Variants in ANKRD30BL observed in about 807,000 individuals in gnomAD.
The protein encoded by ANKRD30BL is ankyrin repeat domain 30B like.
A neutral mutation model predicts 18.4 loss-of-function variants in ANKRD30BL; 20 were observed. The observed-to-expected ratio is 1.09, with a 90% CI of 0.77 to 1.58. The LOEUF is 1.58. Among genes scored for constraint, ANKRD30BL ranks in the 40% most tolerant of loss-of-function variants. The pLI, the probability that ANKRD30BL is intolerant of heterozygous loss-of-function variation, is 0.00. For missense variants in ANKRD30BL, 224 were observed against 268.6 expected, an observed-to-expected ratio of 0.83 and a Z score of 1.16; for synonymous variants, 72 against 100.9, an observed-to-expected ratio of 0.71 and a Z score of 1.72.
At chr2:132,252,907 A>C (rs113386070) in intron 1 of ANKRD30BL, among the ~76,000 whole-genome samples, 15 of 151,502 alleles carry the variant, frequency 9.9e-5, no homozygotes, top group African/African-American at 3.6e-4. Flanking sequence ...TTCCCTTTCT[A>C]TTTTCATGGG....
chr2:132,213,627 C>T (rs1236330931), intron 1 of ANKRD30BL, among the ~76,000 whole-genome samples: 10 of 151,484 alleles, frequency 6.6e-5, no homozygotes, highest in African/African-American at 9.7e-5. Flanking sequence ...TTCTGTCCTA[C>T]GGTGGAAAAG....
intron 1 of ANKRD30BL, among the ~76,000 whole-genome samples, chr2:132,223,202 G>A (rs1044815810): frequency 5.3e-5 from 8 of 152,072 alleles, no homozygotes; most frequent in African/African-American, 1.9e-4. Context: ...TGATAGAGCA[G>A]TTTTGAAACA....
intron 1 of ANKRD30BL, among the ~76,000 whole-genome samples, chr2:132,223,854 C>A (rs934625307): frequency 1.2e-4 from 18 of 152,064 alleles, no homozygotes; most frequent in African/African-American, 4.3e-4. Flanking sequence ...GCCTTCAACT[C>A]ACAGAGTTGA....
chr2:132,229,597 G>T (rs571707301), intron 1 of ANKRD30BL, among the ~76,000 whole-genome samples: 61 of 152,200 alleles, frequency 4.0e-4, no homozygotes, highest in Middle Eastern at 3.4e-3. Flanking sequence ...ACTCTGTGAG[G>T]CCTTCGTTGG....
chr2:132,252,690 C>T (rs1680688274), intron 1 of ANKRD30BL, among the ~76,000 whole-genome samples: 4 of 152,058 alleles, frequency 2.6e-5, no homozygotes. Context: ...CCCACCCTCT[C>T]CCCGGTGGAC....
chr2:132,171,619 C>T (rs1028576176), intron 1 of ANKRD30BL, among the ~76,000 whole-genome samples: 3 of 152,092 alleles, frequency 2.0e-5, no homozygotes, highest in Non-Finnish European at 4.4e-5. Flanking sequence ...TTCCCTTTTT[C>T]TAATAAGTTT....
intron 1 of ANKRD30BL, among the ~76,000 whole-genome samples, chr2:132,184,662 A>G (rs1351036123): frequency 1.3e-5 from 2 of 152,144 alleles, no homozygotes; most frequent in Admixed American, 6.5e-5. Context: ...TGTAAAATGC[A>G]TATTCATATG....
intron 1 of ANKRD30BL, among the ~76,000 whole-genome samples, chr2:132,182,928 T>C (rs1688497242): frequency 6.6e-6 from 1 of 152,082 alleles, no homozygotes; most frequent in Non-Finnish European, 1.5e-5. Flanking sequence ...ATAAACAACT[T>C]TTCTGTTTTA....
chr2:132,220,535 C>CCT (rs1679646062), intron 1 of ANKRD30BL, among the ~76,000 whole-genome samples: 5 of 151,986 alleles, frequency 3.3e-5, no homozygotes, highest in Non-Finnish European at 7.4e-5. Flanking sequence ...GACTGGTTTT[C>CCT]GTTTTTTTTT....
chr2:132,236,611 A>C (rs950934098), intron 1 of ANKRD30BL, among the ~76,000 whole-genome samples: 27 of 152,188 alleles, frequency 1.8e-4, no homozygotes, highest in Non-Finnish European at 3.7e-4. Flanking sequence ...CAATCATTAA[A>C]AAGAGAGGAA....
intron 1 of ANKRD30BL, among the ~76,000 whole-genome samples, chr2:132,171,047 T>TC (rs1688270331): frequency 6.6e-6 from 1 of 151,416 alleles, no homozygotes; most frequent in African/African-American, 2.4e-5. Flanking sequence ...TCCCAGCTAC[T>TC]CCGGAGGCTG....
intron 1 of ANKRD30BL, among the ~76,000 whole-genome samples, chr2:132,187,033 T>A (rs1425913445): frequency 1.3e-5 from 2 of 152,100 alleles, no homozygotes; most frequent in African/African-American, 2.4e-5. Flanking sequence ...TGAATTTCCC[T>A]CAAGGGTTGA....
intron 1 of ANKRD30BL, among the ~76,000 whole-genome samples, chr2:132,230,246 A>G (rs1391793456): frequency 6.6e-6 from 1 of 152,118 alleles, no homozygotes; most frequent in Non-Finnish European, 1.5e-5. Flanking sequence ...GTCTTTTAGT[A>G]GAATCTGCAA....
chr2:132,165,097 A>T (rs183719520), upstream of ANKRD30BL, among the ~76,000 whole-genome samples: 4 of 152,100 alleles, frequency 2.6e-5, no homozygotes, highest in South Asian at 8.3e-4. Flanking sequence ...ACAAAAAAAA[A>T]CGCAAATGCA....
chr2:132,172,625 A>G (rs1169528090), intron 1 of ANKRD30BL, among the ~76,000 whole-genome samples: 1 of 151,726 alleles, frequency 6.6e-6, no homozygotes, highest in African/African-American at 2.4e-5. Flanking sequence ...TACATATTAT[A>G]TCCACATATA....
chr2:132,237,748 C>G (rs796887454), intron 1 of ANKRD30BL, among the ~76,000 whole-genome samples: 3 of 151,304 alleles, frequency 2.0e-5, no homozygotes, highest in Admixed American at 6.6e-5. Context: ...TAAGTGGAAA[C>G]TTGGAGCGCT....
intron 3 of ANKRD30BL, chr2:132,156,452 T>A (rs1202805997): frequency 1.3e-5 from 2 of 152,118 alleles, no homozygotes; most frequent in Non-Finnish European, 2.9e-5. Flanking sequence ...ACTGAAATAT[T>A]TACAGAGGCA....
chr2:132,248,134 G>C (rs896395290), intron 1 of ANKRD30BL, among the ~76,000 whole-genome samples: 6 of 151,604 alleles, frequency 4.0e-5, no homozygotes, highest in African/African-American at 2.4e-5. Context: ...AAACAGCTCA[G>C]AAATATCCCG....
intron 1 of ANKRD30BL, among the ~76,000 whole-genome samples, chr2:132,230,612 C>A (rs1048639181): frequency 6.6e-6 from 1 of 151,280 alleles, no homozygotes; most frequent in Non-Finnish European, 1.5e-5. Flanking sequence ...ATATTTGGAC[C>A]GCATTGAGGC....
Sources: allele counts gnomAD v4.1 joint callset (sites outside exome capture counted in the v4.1 genomes callset), GRCh38; gene constraint gnomAD v4.1.1; transcripts MANE v1.5; gene names NCBI Gene and HGNC (gene_info 2026-07-23, HGNC 2026-07-21).